The following JAKMIP1 variants were observed in gnomAD, a reference collection of about 807,000 sequenced individuals.
JAKMIP1 encodes janus kinase and microtubule interacting protein 1, also known as janus kinase and microtubule-interacting protein 1.
JAKMIP1 carries 33 observed loss-of-function variants against 113.0 expected under a neutral mutation model. The ratio of observed to expected loss-of-function variants is 0.29; its 90% CI spans 0.22 to 0.39. JAKMIP1 has a LOEUF of 0.39. JAKMIP1 is among the 10% of genes least tolerant of loss of function. JAKMIP1 has a pLI of 1.00. For missense variants in JAKMIP1, 813 were observed against 1,080.5 expected (o/e 0.75, Z 3.47); for synonymous variants, 480 against 459.9 (o/e 1.04, Z -0.56).
At chr4:6,063,528 T>G (rs1717614996) in intron 9 of JAKMIP1, among the ~76,000 whole-genome samples, 1 of 152,198 alleles carries the variant, frequency 6.6e-6, no homozygotes, top group Non-Finnish European at 1.5e-5. Flanking sequence ...GCACTTGGGC[T>G]GAGGCTGGTG....
chr4:6,089,341 T>A lies in JAKMIP1; in HGVS notation c.625-3712A>T, dbSNP rs1212481139. ...TTTCTGTCACTTGCGACCAAAAGAA[T>A]CACAATCAACAGAGTTCAGGGAAGA... On this transcript the variant is annotated intron_variant, in intron 3 of 20. Transcript: ENST00000409021. The surrounding 1 kb of genome is among the most constrained non-coding windows in gnomAD (Gnocchi z 5.3). Among the ~76,000 whole-genome samples, 1 of 152,204 alleles carries A rather than the reference T, an allele frequency of 6.6e-6. No individual in the cohort carries two copies. The highest frequency in any genetic ancestry group is 1.5e-5 in the Non-Finnish European group (1 of 68,040).
chr4:6,100,614 C>T (rs1439351129), intron 3 of JAKMIP1, among the ~76,000 whole-genome samples: 4 of 152,218 alleles, frequency 2.6e-5, no homozygotes, highest in African/African-American at 9.6e-5. Flanking sequence ...TTACAGAGTC[C>T]GTAGGTGTCC....
chr4:6,143,175 A>T lies in JAKMIP1; in HGVS notation c.-147-30178T>A, dbSNP rs1720400434. On this transcript the variant is annotated intron_variant, in intron 1 of 20. Coordinates refer to ENST00000409021, the MANE Select transcript of JAKMIP1 (RefSeq NM_001099433.2). This position sits in a 1 kb window ranked among gnomAD's most constrained non-coding sequence, Gnocchi z 4.9. ...TCCCCTGTGAGTACGAGCTAAGTTA[A>T]CCCACGCACAGCACCTTGCACAGTG... Among the ~76,000 whole-genome samples the T allele has an allele frequency of 6.6e-6, 1 of 152,184 alleles. No homozygotes were observed. Among genetic ancestry groups the T allele is most frequent in the Non-Finnish European group, 1.5e-5 (1 of 68,026 alleles).
At chr4:6,036,936 A>G (rs1037114760) in intron 18 of JAKMIP1, among the ~76,000 whole-genome samples, 7 of 150,502 alleles carry the variant, frequency 4.7e-5, no homozygotes, top group Admixed American at 2.0e-4. Context: ...TCACCGAGGT[A>G]GAGGCTAACC....
At position 6,154,271 on chromosome 4, in the gene JAKMIP1, T is replaced by A. The variant is rs559898365; in HGVS notation, c.-147-41274A>T. ...CTGCACTGGGGAGAGTTGCTCCTATTTTAGGCCATTGAACTACTTTAATAA... is the reference window on the plus strand; with the variant it reads ...CTGCACTGGGGAGAGTTGCTCCTATATTAGGCCATTGAACTACTTTAATAA... On this transcript the variant is annotated intron_variant, in intron 1 of 20. Transcript: ENST00000409021. The surrounding 1 kb of genome is among the most constrained non-coding windows in gnomAD (Gnocchi z 4.2). Among the ~76,000 whole-genome samples the A allele has an allele frequency of 8.5e-5, 13 of 152,178 alleles. No homozygotes were observed. The South Asian group carries it at 2.7e-3, about 32-fold the overall frequency.
intron 1 of JAKMIP1, among the ~76,000 whole-genome samples, chr4:6,146,077 A>G (rs1720812682): frequency 1.3e-5 from 2 of 152,294 alleles, no homozygotes; most frequent in Non-Finnish European, 2.9e-5. Context: ...ATTCAGTGGA[A>G]TATTCAGCTT....
At chr4:6,074,981 G>A (rs1194510134) in intron 8 of JAKMIP1, among the ~76,000 whole-genome samples, 1 of 152,178 alleles carries the variant, frequency 6.6e-6, no homozygotes, top group Non-Finnish European at 1.5e-5. Context: ...ATGTTTGCAT[G>A]ACAAAGTCGC....
rs901656728 is a variant in JAKMIP1, at chr4:6,176,633, A to G, written c.-148+23620T>C. ...TCCATGTTTACAAATGGGGAAACTGAGGCTTGCAGTGGTAGAATGACTCAC... is the reference window on the plus strand; with the variant it reads ...TCCATGTTTACAAATGGGGAAACTGGGGCTTGCAGTGGTAGAATGACTCAC... On this transcript the variant is annotated intron_variant, in intron 1 of 20. Coordinates refer to ENST00000409021, the MANE Select transcript of JAKMIP1 (RefSeq NM_001099433.2). This position sits in a 1 kb window ranked among gnomAD's most constrained non-coding sequence, Gnocchi z 5.5. Among the ~76,000 whole-genome samples, 7 of 152,160 alleles carry G rather than the reference A, an allele frequency of 4.6e-5. No individual in the cohort carries two copies. The highest frequency in any genetic ancestry group is 1.0e-4 in the Non-Finnish European group (7 of 68,016).
chr4:6,088,768 C>G lies in JAKMIP1; in HGVS notation c.625-3139G>C, dbSNP rs1296278464. ...AGCTGAGCTCTTAGTGATCCTATCT[C>G]GCTGCCCTTGGGATGCTGATGAAAT... On this transcript the variant is annotated intron_variant, in intron 3 of 20. Coordinates refer to ENST00000409021, the MANE Select transcript of JAKMIP1 (RefSeq NM_001099433.2). The surrounding 1 kb of genome is among the most constrained non-coding windows in gnomAD (Gnocchi z 5.5). Among the ~76,000 whole-genome samples, 1 of 152,186 alleles carries G rather than the reference C, an allele frequency of 6.6e-6. No homozygotes were observed. The highest frequency in any genetic ancestry group is 1.9e-4 in the East Asian group (1 of 5,186).
chr4:6,195,966 C>A (rs897556911), intron 1 of JAKMIP1, among the ~76,000 whole-genome samples: 5 of 152,236 alleles, frequency 3.3e-5, no homozygotes, highest in Non-Finnish European at 5.9e-5. Flanking sequence ...TTGCTAAGTG[C>A]CATTCACACA....
At chr4:6,195,618 T>C (rs1421688135) in intron 1 of JAKMIP1, among the ~76,000 whole-genome samples, 3 of 152,188 alleles carry the variant, frequency 2.0e-5, no homozygotes, top group African/African-American at 7.2e-5. Flanking sequence ...ATGGGCTTCT[T>C]GGCTTCAAAT....
intron 1 of JAKMIP1, among the ~76,000 whole-genome samples, chr4:6,133,971 G>C (rs1463185136): frequency 6.6e-6 from 1 of 152,170 alleles, no homozygotes; most frequent in African/African-American, 2.4e-5. Context: ...CTGCACTAGA[G>C]CATGTGTGAA....
rs543614026 is a variant in JAKMIP1 at position 6,147,571 on chromosome 4, G to A, written c.-147-34574C>T. 2.5e-4 allele frequency among the ~76,000 whole-genome samples: 38 copies of A among 152,138 alleles called. No individual in the cohort carries two copies. In the South Asian group the frequency reaches 6.2e-3, roughly 25 times the overall value. On this transcript the variant is annotated intron_variant, in intron 1 of 20. Coordinates refer to ENST00000409021, the MANE Select transcript of JAKMIP1 (RefSeq NM_001099433.2). ...CTCCTATGACTAGATGGCTCCAAACGGTCCCCCAGGCTCAGGATCCAGCTC... is the reference window on the plus strand; with the variant it reads ...CTCCTATGACTAGATGGCTCCAAACAGTCCCCCAGGCTCAGGATCCAGCTC...
rs557976570 is a variant in JAKMIP1, at chr4:6,152,401, C to T, written c.-147-39404G>A. 3.9e-5 allele frequency among the ~76,000 whole-genome samples: 6 copies of T among 152,258 alleles called. 1 individual carries two copies. Among genetic ancestry groups the T allele is most frequent in the African/African-American group, 1.4e-4 (6 of 41,566 alleles). On this transcript the variant is annotated intron_variant, in intron 1 of 20. Transcript: ENST00000409021. ...TCCTAGAACCGCCCTCACCCAGCCC[C>T]ACCACCAACTGGCTGGGGAGCTGCC... is the stretch of plus-strand genomic sequence containing the variant.
Position 6,086,556 on chromosome 4 carries a change from C to T in JAKMIP1, c.625-927G>A, listed in dbSNP as rs1472517235. Among the ~76,000 whole-genome samples, 4 of 151,934 alleles carry T rather than the reference C, an allele frequency of 2.6e-5. No individual in the cohort carries two copies. The highest frequency in any genetic ancestry group is 1.9e-4 in the East Asian group (1 of 5,170). ...AGGACACAGGCTCAACACAGTGGGC[C>T]GGGTGACAGTGAGGAACCACACCAA... On this transcript the variant is annotated intron_variant, in intron 3 of 20. Coordinates refer to ENST00000409021, the MANE Select transcript of JAKMIP1 (RefSeq NM_001099433.2). This position sits in a 1 kb window ranked among gnomAD's most constrained non-coding sequence, Gnocchi z 4.1.
rs1053516250 is a variant in JAKMIP1, at chr4:6,155,482, C to T, written c.-147-42485G>A. 6.6e-6 allele frequency among the ~76,000 whole-genome samples: 1 copy of T among 152,172 alleles called. No individual in the cohort carries two copies. The highest frequency in any genetic ancestry group is 1.5e-5 in the Non-Finnish European group (1 of 68,018). Reference sequence around the variant, plus strand: ...CTACTAAGCGGGACTCAAATCCAGACAGTTTGGTTCCAGGGTGGGTTATGG... The same window carrying T: ...CTACTAAGCGGGACTCAAATCCAGATAGTTTGGTTCCAGGGTGGGTTATGG... On this transcript the variant is annotated intron_variant, in intron 1 of 20. Transcript: ENST00000409021. This position sits in a 1 kb window ranked among gnomAD's most constrained non-coding sequence, Gnocchi z 6.1.
rs766993332 is a variant in JAKMIP1 at position 6,178,235 on chromosome 4, C to A, written c.-148+22018G>T. Among the ~76,000 whole-genome samples, 5 of 152,204 alleles carry A rather than the reference C, an allele frequency of 3.3e-5. No individual in the cohort carries two copies. Among genetic ancestry groups the A allele is most frequent in the Non-Finnish European group, 7.4e-5 (5 of 68,024 alleles). ...TGTATCTCATTTTTGAATTGAGAGA[C>A]GTGGCTACCTTTCAGGTAAGCAGCT... On this transcript the variant is annotated intron_variant, in intron 1 of 20. Transcript: ENST00000409021. The surrounding 1 kb of genome is among the most constrained non-coding windows in gnomAD (Gnocchi z 5.5).
At chr4:6,103,724 T>G (rs911402218) in intron 3 of JAKMIP1, among the ~76,000 whole-genome samples, 2 of 152,230 alleles carry the variant, frequency 1.3e-5, no homozygotes, top group African/African-American at 4.8e-5. Flanking sequence ...CATGTCAGTT[T>G]TGGTACATTG....
Position 6,112,826 on chromosome 4 carries a change from C to T in JAKMIP1, c.25G>A (p.Gly9Ser), listed in dbSNP as rs1408541090. 1.2e-6 allele frequency: 2 copies of T among 1,614,038 alleles called. No homozygotes were observed. The highest frequency in any genetic ancestry group is 2.7e-5 in the African/African-American group (2 of 75,068). ...TCCGTCTCCATCTCGGGCTTCTCGC[C>T]CTTGCTCCGGCCTTTCTTCGACATG... MSKKGRSK[G>S]EKPEMETDAV... The change falls in exon 2 of 21, where the codon GGC becomes AGC. Residue 9 changes from glycine (G) to serine (S), a missense_variant. By Grantham distance (56) the Gly-to-Ser change is moderately conservative (BLOSUM62 0). Around this residue, in one of 2 missense-constraint regions of JAKMIP1, gnomAD observed 540 missense variants for 653.9 expected, o/e 0.83. Transcript: ENST00000409021.
Sources: allele counts gnomAD v4.1 joint callset (sites outside exome capture counted in the v4.1 genomes callset), GRCh38; gene constraint gnomAD v4.1.1; regional missense constraint gnomAD v4.1.1; non-coding constraint Gnocchi (gnomAD v3.1); transcripts MANE v1.5; gene names NCBI Gene and HGNC (gene_info 2026-07-23, HGNC 2026-07-21).